The following PDE10A variants were observed in gnomAD, a reference collection of about 807,000 sequenced individuals.
PDE10A encodes the protein phosphodiesterase 10A.
PDE10A carries 39 observed loss-of-function variants against 97.7 expected under a neutral mutation model. The observed-to-expected ratio is 0.40, with a 90% confidence interval of 0.31 to 0.52. The LOEUF (loss-of-function observed/expected upper bound fraction) is 0.52. Ranked by LOEUF, PDE10A falls within the 20% of genes least tolerant of loss-of-function variation. PDE10A has a pLI of 0.56. For missense variants in PDE10A, 731 were observed against 1,047.8 expected (o/e 0.70, Z 4.17); for synonymous variants, 371 against 376.8 (o/e 0.98, Z 0.18).
intron 1 of PDE10A, among the ~76,000 whole-genome samples, chr6:165,615,548 A>G (rs1269300187): frequency 1.3e-5 from 2 of 152,176 alleles, no homozygotes; most frequent in Non-Finnish European, 2.9e-5. Context: ...AAAAGAAGAA[A>G]CTTTTTAAAT....
At chr6:165,390,918 T>C (rs1033002451) in intron 16 of PDE10A, among the ~76,000 whole-genome samples, 3 of 152,190 alleles carry the variant, frequency 2.0e-5, no homozygotes, top group Admixed American at 6.5e-5. Flanking sequence ...ATTAATTATG[T>C]TGTTAGTATC....
At chr6:165,929,150 C>T (rs2128490283) in intron 1 of PDE10A, among the ~76,000 whole-genome samples, 1 of 152,298 alleles carries the variant, frequency 6.6e-6, no homozygotes, top group South Asian at 2.1e-4. Flanking sequence ...TGAATTCAGT[C>T]TACAGCCTCA....
intron 1 of PDE10A, among the ~76,000 whole-genome samples, chr6:165,597,941 C>T (rs713084): frequency 0.19 from 29,387 of 152,142 alleles, 3,411 homozygotes; most frequent in African/African-American, 0.32. Flanking sequence ...GACCCACATG[C>T]AAGACTGAAG....
chr6:165,399,214 G>T (rs1175579770), intron 13 of PDE10A, among the ~76,000 whole-genome samples: 2 of 152,024 alleles, frequency 1.3e-5, no homozygotes, highest in Non-Finnish European at 2.9e-5. Context: ...TAGACAAATA[G>T]AAAAATCCAC....
chr6:165,402,666 G>C (rs75526039), intron 13 of PDE10A, among the ~76,000 whole-genome samples: 2,282 of 152,220 alleles, frequency 0.015, 59 homozygotes, highest in African/African-American at 0.052. Flanking sequence ...TAGGCACGAG[G>C]ATATTGAAAA....
intron 2 of PDE10A, among the ~76,000 whole-genome samples, chr6:165,538,959 G>A (rs1268934834): frequency 6.6e-6 from 1 of 152,084 alleles, no homozygotes; most frequent in Non-Finnish European, 1.5e-5. Flanking sequence ...GGCAACATAT[G>A]CCTAGATAAT....
intron 13 of PDE10A, among the ~76,000 whole-genome samples, chr6:165,407,255 G>C (rs933496794): frequency 6.6e-6 from 1 of 152,146 alleles, no homozygotes; most frequent in Non-Finnish European, 1.5e-5. Flanking sequence ...CCTTAGGGAA[G>C]AACGATGTCA....
intron 1 of PDE10A, among the ~76,000 whole-genome samples, chr6:165,885,016 T>G (rs779222170): frequency 3.3e-5 from 5 of 152,196 alleles, no homozygotes; most frequent in African/African-American, 1.2e-4. Flanking sequence ...GGCCTTCATG[T>G]GCACGCCCCT....
chr6:165,948,169 A>C (rs952265637), intron 1 of PDE10A: 9 of 151,612 alleles, frequency 5.9e-5, no homozygotes, highest in African/African-American at 2.2e-4. Context: ...AGATGTCTAA[A>C]TTGCAAAGTC....
At chr6:165,808,227 C>A (rs1057435563) in intron 1 of PDE10A, among the ~76,000 whole-genome samples, 1 of 152,192 alleles carries the variant, frequency 6.6e-6, no homozygotes, top group African/African-American at 2.4e-5. Context: ...CAGTCCTGAG[C>A]GTGGACACAG....
intron 13 of PDE10A, among the ~76,000 whole-genome samples, chr6:165,397,982 A>G (rs145982774): frequency 4.1e-4 from 63 of 152,312 alleles, no homozygotes; most frequent in Non-Finnish European, 7.1e-4. Context: ...AAGTGGGTAT[A>G]TTTTTAAATA....
intron 1 of PDE10A, among the ~76,000 whole-genome samples, chr6:165,790,528 C>A (rs756758123): frequency 9.2e-5 from 14 of 152,100 alleles, no homozygotes; most frequent in Non-Finnish European, 1.5e-4. Flanking sequence ...GCAATAAATT[C>A]TATGTGCGGC....
rs116426043 is a variant in PDE10A at position 165,450,553 on chromosome 6, T to C, written c.1024-191A>G. On this transcript the variant is annotated intron_variant, in intron 3 of 21. Transcript: ENST00000539869. ...AGTAGATTGAAAATTAAAATTGCTA[T>C]GACTATTTATTTATTTATTTATTTT... 3.0e-3 allele frequency among the ~76,000 whole-genome samples: 458 copies of C among 152,212 alleles called. 5 individuals are homozygous for C. The highest frequency in any genetic ancestry group is 0.011 in the African/African-American group (445 of 41,544).
chr6:165,435,449 C>T (rs1330848755), intron 5 of PDE10A, 72 bp from the exon 6 acceptor site: 5 of 1,263,590 alleles, frequency 4.0e-6, no homozygotes, highest in Non-Finnish European at 5.4e-6. Flanking sequence ...CACGTGAATC[C>T]TAACAGTCAT....
rs576402740 is a variant in PDE10A, at chr6:165,933,744, A to C, written c.-615+53785T>G. On this transcript the variant is annotated intron_variant, in intron 1 of 19. Coordinates refer to the PDE10A transcript ENST00000366882. Reference sequence around the variant, plus strand: ...AGGATTTTTAGGCTAGCATTTGTACAGGAAAAGAAATTTATACACAACAAA... The same window carrying C: ...AGGATTTTTAGGCTAGCATTTGTACCGGAAAAGAAATTTATACACAACAAA... Among the ~76,000 whole-genome samples, 3 of 152,306 alleles carry C rather than the reference A, an allele frequency of 2.0e-5. No individual in the cohort carries two copies. The South Asian group carries it at 6.2e-4, about 32-fold the overall frequency.
chr6:165,338,300 C>T (rs902276252), intron 20 of PDE10A, among the ~76,000 whole-genome samples: 3 of 152,182 alleles, frequency 2.0e-5, no homozygotes, highest in Non-Finnish European at 4.4e-5. Flanking sequence ...GAGAACTTAT[C>T]AAAAACCACC....
At chr6:165,639,042 A>AGGAG (rs1267639475) in intron 1 of PDE10A, among the ~76,000 whole-genome samples, 48 of 138,990 alleles carry the variant, frequency 3.5e-4, no homozygotes, top group Non-Finnish European at 2.4e-4. Context: ...GAGGGAAGGA[A>AGGAG]GGAGGGAGGG....
At position 165,822,505 on chromosome 6, in the gene PDE10A, G is replaced by A. The variant is rs1408895313; in HGVS notation, c.-615+165024C>T. ...GGATGGTGTAGCCCATTGCTCCCAG[G>A]CTGCAAACCTAGGAGCTAAGTACTG... is the stretch of plus-strand genomic sequence containing the variant. On this transcript the variant is annotated intron_variant, in intron 1 of 19. Transcript: ENST00000366882. Among the ~76,000 whole-genome samples, 4 of 152,196 alleles carry A rather than the reference G, an allele frequency of 2.6e-5. 1 individual carries two copies. Among genetic ancestry groups the A allele is most frequent in the Non-Finnish European group, 5.9e-5 (4 of 68,044 alleles).
intron 1 of PDE10A, among the ~76,000 whole-genome samples, chr6:165,945,195 G>T (rs2128493745): frequency 6.6e-6 from 1 of 152,270 alleles, no homozygotes; most frequent in South Asian, 2.1e-4. Flanking sequence ...CCTCCACATT[G>T]AATGGGCCTC....
Sources: allele counts gnomAD v4.1 joint callset (sites outside exome capture counted in the v4.1 genomes callset), GRCh38; gene constraint gnomAD v4.1.1; transcripts MANE v1.5; gene names NCBI Gene and HGNC (gene_info 2026-07-23, HGNC 2026-07-21).